Variants in GLB1L3 observed in about 807,000 individuals in gnomAD.
The protein encoded by GLB1L3 is galactosidase beta 1 like 3.
Under a neutral mutation model 89.5 loss-of-function variants are expected in GLB1L3, and 89 were observed. That is an observed-to-expected ratio of 0.99 (90% CI 0.84 to 1.19). The LOEUF is 1.19. Among genes scored for constraint, GLB1L3 ranks in the 50% most tolerant of loss-of-function variants. The pLI is 0.00. For missense variants in GLB1L3, 812 were observed against 813.3 expected, an observed-to-expected ratio of 1.00 and a Z score of 0.02; for synonymous variants, 314 against 312.3, an observed-to-expected ratio of 1.01 and a Z score of -0.06.
chr11:134,308,190 TCACCATCACCACTACCACCACCAC>T (rs1942311232), intron 10 of GLB1L3, among the ~76,000 whole-genome samples: 1 of 79,090 alleles, frequency 1.3e-5, no homozygotes, highest in African/African-American at 6.4e-5. Context: ...ATCACCATCA[TCACCATCACCACTACCACCACCAC>T]CATCACCATC....
At chr11:134,277,207 T>G in intron 1 of GLB1L3, 119 bp from the exon 2 acceptor site, 2 of 1,301,344 alleles carry the variant, frequency 1.5e-6, no homozygotes, top group East Asian at 2.3e-5. Context: ...GACCCGCCTG[T>G]GTCGCGGGCC....
intron 3 of GLB1L3, among the ~76,000 whole-genome samples, chr11:134,279,722 C>T (rs1355558028): frequency 6.6e-6 from 1 of 152,172 alleles, no homozygotes; most frequent in Non-Finnish European, 1.5e-5. Flanking sequence ...CTTTCCTGTA[C>T]TCACTTGGAA....
rs1005139262 is a variant in GLB1L3, at chr11:134,277,174, C to G, written c.24-152C>G. On this transcript the variant is annotated intron_variant, in intron 1 of 19. Transcript: ENST00000431683. Reference sequence around the variant, plus strand: ...GACTGGCCGGGTGATGCCGCGCTGTCCTGGCCCTGGGCCCGCCTGGAAGAC... The same window carrying G: ...GACTGGCCGGGTGATGCCGCGCTGTGCTGGCCCTGGGCCCGCCTGGAAGAC... 15 of 923,248 alleles carry G rather than the reference C, an allele frequency of 1.6e-5. No homozygotes were observed. The African/African-American group carries it at 1.8e-4, about 11-fold the overall frequency. The allele number at this position is 923,248 out of a possible 1,614,324, so 57.2% of individuals were successfully genotyped here.
chr11:134,292,227 G>A lies in GLB1L3; in HGVS notation c.811+14G>A. The A allele has an allele frequency of 1.3e-6, 2 of 1,599,766 alleles. No homozygotes were observed. The highest frequency in any genetic ancestry group is 1.7e-6 in the Non-Finnish European group (2 of 1,168,028). The stretch of plus-strand genomic sequence containing the variant: ...ACACCAAAGGAGGTACACATTTAGA[G>A]TTAGTTCACAGGAGAACAGGGCTCT... On this transcript the variant is annotated intron_variant, in intron 8 of 19. Transcript: ENST00000431683.
intron 6 of GLB1L3, among the ~76,000 whole-genome samples, chr11:134,287,868 TCTC>T (rs1470766399): frequency 6.6e-6 from 1 of 152,152 alleles, no homozygotes; most frequent in Non-Finnish European, 1.5e-5. Context: ...TCATGCCTCT[TCTC>T]CTTCCTTAGT....
chr11:134,312,619 AAGTC>A (rs922148149), intron 14 of GLB1L3, 130 bp downstream of exon 14: 38 of 1,211,240 alleles, frequency 3.1e-5, no homozygotes, highest in African/African-American at 1.2e-4. Context: ...TGGGACTAAA[AAGTC>A]AGGCCAAATA....
At chr11:134,284,868 G>A (rs990304438) in intron 6 of GLB1L3, among the ~76,000 whole-genome samples, 2 of 150,772 alleles carry the variant, frequency 1.3e-5, no homozygotes, top group Admixed American at 1.3e-4. Flanking sequence ...CTATTGCCCT[G>A]CATTCTAGTT....
At chr11:134,280,545 G>T (rs141537696) in intron 3 of GLB1L3, among the ~76,000 whole-genome samples, 2 of 151,982 alleles carry the variant, frequency 1.3e-5, no homozygotes, top group Non-Finnish European at 2.9e-5. Flanking sequence ...TTCTTAGAGG[G>T]GTACTTTAAA....
At chr11:134,289,645 C>A (rs2846390) in intron 7 of GLB1L3, among the ~76,000 whole-genome samples, 69,076 of 152,032 alleles carry the variant, frequency 0.45, 16,065 homozygotes, top group Non-Finnish European at 0.49. Flanking sequence ...GCTGGTGAAT[C>A]TTCCTCCACT....
chr11:134,306,120 A>G (rs1363207693), intron 9 of GLB1L3, among the ~76,000 whole-genome samples: 1 of 152,206 alleles, frequency 6.6e-6, no homozygotes, highest in Non-Finnish European at 1.5e-5. Context: ...TAGTAAGCAC[A>G]GTAAGTGATG....
At position 134,313,415 on chromosome 11, in the gene GLB1L3, T is replaced by A. The variant is rs761130245; in HGVS notation, c.1520T>A (p.Ile507Asn). The A allele has an allele frequency of 1.4e-5, 22 of 1,584,424 alleles. No homozygotes were observed. The highest frequency in any genetic ancestry group is 1.9e-5 in the Non-Finnish European group (22 of 1,165,174). Residue 507 changes from isoleucine to asparagine, a missense_variant, in exon 16 of 20, where the codon ATC becomes AAC. By Grantham distance (149) the Ile-to-Asn change is moderately radical. Around this residue, in one of 3 missense-constraint regions of GLB1L3, gnomAD observed 618 missense variants for 604.0 expected, o/e 1.02. Transcript: ENST00000431683. The part of the protein sequence containing the change: ...PELRDCRYLR[I>N]LVENQGRVNF... ...CAGCAGGACTGCCGATACCTGAGGA[T>A]CCTGGTGGAGAATCAAGGACGAGTC...
Position 134,318,945 on chromosome 11 carries a change from CTG to C in GLB1L3, c.*7_*8del, listed in dbSNP as rs755287394. ...CTACAGACAAGCCCACGCTGTAAAA[CTG>C]TGTCTGAACATTTTTTTTTTTTTTT... On this transcript the variant is annotated 3_prime_UTR_variant, in exon 20 of 20. Coordinates refer to ENST00000431683, the MANE Select transcript of GLB1L3 (RefSeq NM_001080407.3). 76 of 1,591,142 alleles carry C rather than the reference CTG, an allele frequency of 4.8e-5. No individual in the cohort carries two copies. The highest frequency in any genetic ancestry group is 6.0e-5 in the Non-Finnish European group (70 of 1,169,334).
chr11:134,286,621 G>C (rs1397313382), intron 6 of GLB1L3, among the ~76,000 whole-genome samples: 2 of 151,552 alleles, frequency 1.3e-5, no homozygotes, highest in South Asian at 2.1e-4. Flanking sequence ...CTAAAAAATA[G>C]AAAAAATTAG....
intron 15 of GLB1L3, 69 bp downstream of exon 15, chr11:134,312,956 A>T: frequency 9.1e-7 from 1 of 1,096,546 alleles, no homozygotes; most frequent in Non-Finnish European, 1.4e-6. Context: ...TGGTCCTGAG[A>T]CAGTCAGCCT....
intron 6 of GLB1L3, among the ~76,000 whole-genome samples, chr11:134,286,647 G>A (rs1444957526): frequency 2.0e-5 from 3 of 151,370 alleles, no homozygotes. Context: ...CGTGGTGGCG[G>A]GCGCCTGTAG....
At chr11:134,309,929 C>T (rs935784956) in intron 11 of GLB1L3, 166 bp downstream of exon 11, 50 of 726,532 alleles carry the variant, frequency 6.9e-5, no homozygotes, top group Non-Finnish European at 1.0e-4. Flanking sequence ...GTTCATAATG[C>T]CCCAACAGGC....
rs748520706 is a variant in GLB1L3 at position 134,283,778 on chromosome 11, A to G, written c.569A>G (p.Asn190Ser). The change falls in exon 6 of 20, where the codon AAC (asparagine) becomes AGC (serine). Residue 190 changes from asparagine to serine, a missense_variant. Physicochemically the swap from Asn to Ser is conservative, Grantham distance 46 (BLOSUM62 1). Coordinates refer to ENST00000431683, the MANE Select transcript of GLB1L3 (RefSeq NM_001080407.3). The part of the protein sequence containing the change: ...QDPRLLLRTT[N>S]KSFIEAVEKY... ...CCCCGGTTACTGTTGAGGACAACCA[A>G]CAAGAGCTTCATTGAAGCAGTTGAG... The G allele has an allele frequency of 6.2e-7, 1 of 1,613,170 alleles. No individual in the cohort carries two copies. The highest frequency in any genetic ancestry group is 1.1e-5 in the South Asian group (1 of 90,742).
chr11:134,282,106 C>T lies in GLB1L3; in HGVS notation c.513C>T (p.Leu171=), dbSNP rs1205835159. Residue 171 remains leucine (L), a synonymous_variant, in exon 5 of 20, where the codon CTC becomes CTT. Transcript: ENST00000431683. The stretch of plus-strand genomic sequence containing the variant: ...GCTACATCTGCAGTGAGATGGACCT[C>T]GGGGGCTTGCCCAGGTAAGCGGGGC... ...PGRYICSEMD[L]GGLPSWLLQD... is the part of the protein sequence containing the mutation. The T allele has an allele frequency of 1.1e-5, 17 of 1,566,220 alleles. No individual in the cohort carries two copies. The highest frequency in any genetic ancestry group is 5.8e-5 in the South Asian group (5 of 85,960).
At chr11:134,291,237 G>A (rs978033515) in intron 7 of GLB1L3, among the ~76,000 whole-genome samples, 1 of 150,888 alleles carries the variant, frequency 6.6e-6, no homozygotes, top group Non-Finnish European at 1.5e-5. Flanking sequence ...AAATTGTGTG[G>A]CACTTCCATG....
Sources: gnomAD v4.1 joint callset for allele counts (sites outside exome capture counted in the v4.1 genomes callset) on GRCh38, gnomAD v4.1.1 for gene constraint, gnomAD v4.1.1 regional missense constraint, MANE v1.5 for transcripts, NCBI Gene and HGNC (gene_info 2026-07-23, HGNC 2026-07-21) for gene names.